The following TRMT11 variants were observed in gnomAD, a reference collection of about 807,000 sequenced individuals.
TRMT11 encodes the protein tRNA methyltransferase 11.
A neutral mutation model predicts 62.8 loss-of-function variants in TRMT11; 53 were observed. The ratio of observed to expected loss-of-function variants is 0.84; its 90% confidence interval spans 0.68 to 1.06. The LOEUF is 1.06. Among genes scored for constraint, TRMT11 ranks in the 50% least tolerant of loss-of-function variants. TRMT11 has a pLI of 0.00. For synonymous variants in TRMT11, 188 were observed against 190.3 expected, an observed-to-expected ratio of 0.99 and a Z score of 0.10; for missense variants, 556 against 553.4, an observed-to-expected ratio of 1.00 and a Z score of -0.05.
At chr6:126,073,633 T>C (rs1375079477) in intron 17 of TRMT11, among the ~76,000 whole-genome samples, 2 of 152,140 alleles carry the variant, frequency 1.3e-5, no homozygotes, top group African/African-American at 2.4e-5. Context: ...CCTAGTTTTT[T>C]TTTTAGTCCT....
chr6:126,021,035 G>A (rs1022204765), intron 11 of TRMT11, 125 bp from the exon 12 acceptor site: 6 of 1,070,296 alleles, frequency 5.6e-6, no homozygotes, highest in African/African-American at 3.1e-5. Context: ...CATGTGGACA[G>A]TTAGCATATG....
At chr6:126,257,232 G>A in the TRMT11 span, among the ~76,000 whole-genome samples, 1 of 151,656 alleles carries the variant, frequency 6.6e-6, no homozygotes, top group Non-Finnish European at 1.5e-5. Context: ...TTTTCTGCTT[G>A]TAGCTATTTT....
intron 21 of TRMT11, among the ~76,000 whole-genome samples, chr6:126,127,294 G>A (rs1777729134): frequency 6.6e-6 from 1 of 152,034 alleles, no homozygotes; most frequent in Non-Finnish European, 1.5e-5. Flanking sequence ...AGACTTTGGG[G>A]TCGGGAGTGG....
At chr6:126,022,735 A>G (rs1796011574) in intron 12 of TRMT11, among the ~76,000 whole-genome samples, 1 of 152,232 alleles carries the variant, frequency 6.6e-6, no homozygotes, top group African/African-American at 2.4e-5. Flanking sequence ...GGGCATTTCA[A>G]AAAGCTAACC....
the TRMT11 span, among the ~76,000 whole-genome samples, chr6:126,217,754 C>T: frequency 3.9e-4 from 60 of 152,058 alleles, no homozygotes; most frequent in Non-Finnish European, 7.4e-4. Context: ...AGCCTGGCTA[C>T]CTCCTGTATT....
intron 21 of TRMT11, among the ~76,000 whole-genome samples, chr6:126,146,954 T>TA (rs1777981974): frequency 9.1e-6 from 1 of 109,660 alleles, no homozygotes; most frequent in South Asian, 2.6e-4. Flanking sequence ...GGGGTTAAAA[T>TA]ACTTAGGCAT....
chr6:126,185,448 A>C (rs1778516041), intron 1 of TRMT11, among the ~76,000 whole-genome samples: 1 of 151,462 alleles, frequency 6.6e-6, no homozygotes, highest in Non-Finnish European at 1.5e-5. Flanking sequence ...ATCCACCTAA[A>C]ATACATATTG....
chr6:126,148,371 AT>A (rs1279571046), intron 21 of TRMT11, among the ~76,000 whole-genome samples: 1 of 152,212 alleles, frequency 6.6e-6, no homozygotes, highest in African/African-American at 2.4e-5. Flanking sequence ...AGTTTATGTG[AT>A]TTATTTAATT....
intron 16 of TRMT11, among the ~76,000 whole-genome samples, chr6:126,052,032 A>G (rs577690957): frequency 6.6e-5 from 10 of 152,234 alleles, no homozygotes; most frequent in Admixed American, 6.5e-4. Context: ...ATGACCCAAT[A>G]CTCTTGAGAC....
chr6:126,233,709 A>T, the TRMT11 span, among the ~76,000 whole-genome samples: 1 of 152,136 alleles, frequency 6.6e-6, no homozygotes, highest in African/African-American at 2.4e-5. Flanking sequence ...TTTAATTTTA[A>T]TTTTTCTTGA....
chr6:126,135,968 G>T (rs1362266665), intron 21 of TRMT11, among the ~76,000 whole-genome samples: 1 of 151,664 alleles, frequency 6.6e-6, no homozygotes, highest in African/African-American at 2.4e-5. Flanking sequence ...AACAAATTGG[G>T]TATAGAAGGA....
chr6:126,248,542 C>G, the TRMT11 span, among the ~76,000 whole-genome samples: 1 of 152,062 alleles, frequency 6.6e-6, no homozygotes, highest in African/African-American at 2.4e-5. Flanking sequence ...GTTCCACACC[C>G]TTCTATCTGA....
intron 9 of TRMT11, 122 bp downstream of exon 9, chr6:126,011,539 C>A: frequency 1.3e-6 from 1 of 741,758 alleles, no homozygotes; most frequent in Non-Finnish European, 2.2e-6. Flanking sequence ...CTCCCATCTA[C>A]CCCCAGCTTC....
intron 12 of TRMT11, among the ~76,000 whole-genome samples, chr6:126,028,368 A>G (rs1773578086): frequency 6.6e-6 from 1 of 152,202 alleles, no homozygotes. Flanking sequence ...ACAATCCAGT[A>G]TTTATCACCA....
the TRMT11 span, among the ~76,000 whole-genome samples, chr6:126,218,991 A>C: frequency 6.6e-6 from 1 of 152,140 alleles, no homozygotes; most frequent in African/African-American, 2.4e-5. Flanking sequence ...GACAGCACTA[A>C]GTTCCAATAC....
intron 16 of TRMT11, among the ~76,000 whole-genome samples, chr6:126,047,251 GTTGCC>G (rs1253116111): frequency 1.3e-5 from 2 of 151,634 alleles, no homozygotes; most frequent in African/African-American, 4.8e-5. Flanking sequence ...GTGCCCAAAT[GTTGCC>G]TTTTGGCCTG....
At position 126,110,112 on chromosome 6, in the gene TRMT11, A is replaced by G. The variant is rs181273931; in HGVS notation, c.*1438-2754A>G. Among the ~76,000 whole-genome samples, 8 of 152,302 alleles carry G rather than the reference A, an allele frequency of 5.3e-5. No individual in the cohort carries two copies. The East Asian group carries it at 1.5e-3, about 29-fold the overall frequency. ...ATGGCATGATCAGCTGATGCTGCTA[A>G]AGACCTGAGACTCTTAATCAGCAAC... On this transcript the variant is annotated intron_variant and NMD_transcript_variant, in intron 17 of 22. Transcript: ENST00000648977.
the TRMT11 span, among the ~76,000 whole-genome samples, chr6:126,236,523 T>C: frequency 2.0e-5 from 3 of 152,220 alleles, no homozygotes; most frequent in Non-Finnish European, 4.4e-5. Context: ...TGTTATAGAT[T>C]ACTATTGACA....
chr6:126,159,215 C>T (rs924848254), intron 21 of TRMT11, among the ~76,000 whole-genome samples: 2 of 152,048 alleles, frequency 1.3e-5, no homozygotes, highest in Non-Finnish European at 1.5e-5. Context: ...TTGTGGATAG[C>T]TGGTTTGTCC....
Sources: allele counts gnomAD v4.1 joint callset (sites outside exome capture counted in the v4.1 genomes callset), GRCh38; gene constraint gnomAD v4.1.1; transcripts MANE v1.5; gene names NCBI Gene and HGNC (gene_info 2026-07-23, HGNC 2026-07-21).